GYS2: variants seen among roughly 807,000 people sequenced by gnomAD.
GYS2 encodes glycogen synthase 2, also known as glycogen [starch] synthase, liver.
A neutral mutation model predicts 85.6 loss-of-function variants in GYS2; 80 were observed. The ratio of observed to expected loss-of-function variants is 0.93; its 90% CI spans 0.78 to 1.13. The LOEUF is 1.13. Ranked by LOEUF, GYS2 falls within the 50% of genes most tolerant of loss-of-function variation. GYS2 has a pLI of 0.00. For synonymous variants in GYS2, 328 were observed against 300.7 expected (o/e 1.09, Z -0.94); for missense variants, 881 against 854.9 (o/e 1.03, Z -0.38).
chr12:21,534,194 A>T (rs1943890063), downstream of GYS2, among the ~76,000 whole-genome samples: 1 of 152,172 alleles, frequency 6.6e-6, no homozygotes, highest in Non-Finnish European at 1.5e-5. Flanking sequence ...TTATATTCTG[A>T]TAGGCCCATT....
chr12:21,552,305 G>C (rs1944121645), intron 11 of GYS2, among the ~76,000 whole-genome samples: 1 of 152,182 alleles, frequency 6.6e-6, no homozygotes, highest in Non-Finnish European at 1.5e-5. Context: ...TCTTCAGCCT[G>C]GGCTTTCCTC....
chr12:21,580,747 G>T (rs937928920), intron 1 of GYS2, among the ~76,000 whole-genome samples: 1 of 152,130 alleles, frequency 6.6e-6, no homozygotes, highest in African/African-American at 2.4e-5. Flanking sequence ...TCCCTTCTAG[G>T]TGCATGTGAA....
chr12:21,557,824 G>A (rs867871879), intron 11 of GYS2, among the ~76,000 whole-genome samples: 154 of 152,150 alleles, frequency 1.0e-3, no homozygotes, highest in Middle Eastern at 3.4e-3. Context: ...GTGTGGACCC[G>A]GGAGGCGGAG....
chr12:21,599,574 C>A (rs1394906807), intron 1 of GYS2, among the ~76,000 whole-genome samples: 1 of 152,128 alleles, frequency 6.6e-6, no homozygotes, highest in Non-Finnish European at 1.5e-5. Flanking sequence ...TGAAGCTGTG[C>A]AACCAAGCAT....
intron 1 of GYS2, among the ~76,000 whole-genome samples, chr12:21,599,131 C>CAT (rs1442719997): frequency 6.6e-6 from 1 of 151,968 alleles, no homozygotes; most frequent in African/African-American, 2.4e-5. Context: ...TGTATACACA[C>CAT]ATATATACAT....
At chr12:21,577,214 C>T (rs1944456458) in intron 2 of GYS2, among the ~76,000 whole-genome samples, 1 of 152,162 alleles carries the variant, frequency 6.6e-6, no homozygotes, top group Non-Finnish European at 1.5e-5. Context: ...CCCCAAACCA[C>T]TTTTCAATAG....
rs184607089 is a variant in GYS2 at position 21,604,811 on chromosome 12, A to C, written c.-219T>G. Reference sequence around the variant, plus strand: ...CCTCCTCTTTCTCGTCTTTCTGGGCAGGTATTGTGAGGACGGTATCTGCCC... The same window carrying C: ...CCTCCTCTTTCTCGTCTTTCTGGGCCGGTATTGTGAGGACGGTATCTGCCC... On this transcript the variant is annotated 5_prime_UTR_variant, in exon 1 of 16. Coordinates refer to ENST00000261195, the MANE Select transcript of GYS2 (RefSeq NM_021957.4). 2.0e-3 allele frequency: 2,631 copies of C among 1,318,576 alleles called. 3 individuals carry two copies. The highest frequency in any genetic ancestry group is 2.5e-3 in the Non-Finnish European group (2,510 of 1,024,416). 81.7% of individuals were successfully genotyped at this position (1,318,576 alleles called of 1,614,324 possible).
chr12:21,570,741 T>C (rs985517563), intron 4 of GYS2, among the ~76,000 whole-genome samples: 3 of 152,164 alleles, frequency 2.0e-5, no homozygotes, highest in African/African-American at 7.2e-5. Flanking sequence ...TCGGATACAA[T>C]AGGGCCAGAT....
downstream of GYS2, among the ~76,000 whole-genome samples, chr12:21,533,833 C>T (rs559069579): frequency 5.9e-5 from 9 of 152,338 alleles, no homozygotes; most frequent in East Asian, 1.5e-3. Flanking sequence ...AAATTTATTT[C>T]TCACAATTCT....
At chr12:21,576,683 C>T (rs529633388) in intron 2 of GYS2, among the ~76,000 whole-genome samples, 7 of 152,166 alleles carry the variant, frequency 4.6e-5, no homozygotes, top group South Asian at 4.1e-4. Flanking sequence ...TTCAAATTGA[C>T]GTTGATTCCT....
intron 13 of GYS2, among the ~76,000 whole-genome samples, chr12:21,540,946 G>T (rs966877826): frequency 2.6e-5 from 4 of 152,094 alleles, no homozygotes; most frequent in Non-Finnish European, 5.9e-5. Context: ...CCCAGATCTA[G>T]CCTGAGGAAA....
intron 1 of GYS2, among the ~76,000 whole-genome samples, chr12:21,602,878 GGCT>G (rs1187818294): frequency 9.9e-5 from 15 of 152,024 alleles, no homozygotes. Context: ...AAGCAGAAGG[GGCT>G]CTGCTCAGGT....
At chr12:21,566,444 G>T (rs942376144) in intron 5 of GYS2, among the ~76,000 whole-genome samples, 11 of 151,580 alleles carry the variant, frequency 7.3e-5, no homozygotes, top group African/African-American at 2.4e-4. Context: ...AATGTTCAGA[G>T]ATTTCACAAT....
At chr12:21,555,809 T>C (rs1944172565) in intron 11 of GYS2, among the ~76,000 whole-genome samples, 2 of 152,210 alleles carry the variant, frequency 1.3e-5, no homozygotes, top group African/African-American at 4.8e-5. Flanking sequence ...TGAAAAAGCC[T>C]TCTTCCCTGG....
intron 1 of GYS2, among the ~76,000 whole-genome samples, chr12:21,596,964 A>G (rs1944703702): frequency 6.6e-6 from 1 of 152,168 alleles, no homozygotes. Flanking sequence ...CAGCAACCAA[A>G]TGGAGAATCA....
intron 11 of GYS2, among the ~76,000 whole-genome samples, chr12:21,547,609 C>A (rs548838620): frequency 1.3e-5 from 2 of 152,046 alleles, no homozygotes; most frequent in Admixed American, 1.3e-4. Flanking sequence ...GGTTTCCAGG[C>A]GTCAGGGGTG....
At chr12:21,560,623 CAG>C in intron 7 of GYS2, 131 bp from the exon 8 acceptor site, 2 of 656,670 alleles carry the variant, frequency 3.0e-6, no homozygotes, top group Non-Finnish European at 5.5e-6. Context: ...TTATGTTTCA[CAG>C]AGAGATTATA....
intron 12 of GYS2, among the ~76,000 whole-genome samples, chr12:21,544,423 G>C (rs1053800562): frequency 2.6e-5 from 4 of 152,114 alleles, no homozygotes; most frequent in Non-Finnish European, 4.4e-5. Flanking sequence ...ATGACACTTT[G>C]GTGGACAGTC....
At chr12:21,577,470 T>C (rs1371275403) in intron 2 of GYS2, among the ~76,000 whole-genome samples, 3 of 152,216 alleles carry the variant, frequency 2.0e-5, no homozygotes, top group African/African-American at 7.2e-5. Context: ...TTGAGACCAG[T>C]CAGTTCCATT....
Sources: gnomAD v4.1 joint callset for allele counts (sites outside exome capture counted in the v4.1 genomes callset) on GRCh38, gnomAD v4.1.1 for gene constraint, MANE v1.5 for transcripts, NCBI Gene and HGNC (gene_info 2026-07-23, HGNC 2026-07-21) for gene names.